ABCA13: variants seen among roughly 807,000 people sequenced by gnomAD.
ABCA13 encodes the protein ATP binding cassette subfamily A member 13.
In ABCA13, 476 loss-of-function variants were observed where a neutral mutation model predicts 478.7. The ratio of observed to expected loss-of-function variants is 0.99; its 90% CI spans 0.92 to 1.07. The LOEUF (loss-of-function observed/expected upper bound fraction) is 1.07. Ranked by LOEUF, ABCA13 falls within the 50% of genes least tolerant of loss-of-function variation. ABCA13 has a pLI of 0.00. For synonymous variants in ABCA13, 2,252 were observed against 2,158.9 expected, an observed-to-expected ratio of 1.04 and a Z score of -1.20; for missense variants, 6,060 against 5,910.6, an observed-to-expected ratio of 1.03 and a Z score of -0.83.
Position 48,295,804 on chromosome 7 carries a change from C to T in ABCA13, c.9060C>T (p.Ala3020=), listed in dbSNP as rs1308607612. The change falls in exon 21 of 62, where the codon GCC becomes GCT. Residue 3020 remains alanine (A), a synonymous_variant. Coordinates refer to ENST00000435803, the MANE Select transcript of ABCA13 (RefSeq NM_152701.5). ...GCTTCAAGAGCAGCTTGGAAAATGC[C>T]ACTGGCCAGGACTGCACAAGCCAGC... ...LESFKSSLEN[A]TGQDCTSQPR... 6.2e-7 allele frequency: 1 copy of T among 1,613,996 alleles called. No individual in the cohort carries two copies. Among genetic ancestry groups the T allele is most frequent in the Non-Finnish European group, 8.5e-7 (1 of 1,179,904 alleles).
At chr7:48,587,126 T>G (rs772576453) in intron 56 of ABCA13, 28 bp from the exon 57 acceptor site, 1 of 1,612,044 alleles carries the variant, frequency 6.2e-7, no homozygotes, top group Non-Finnish European at 8.5e-7. Flanking sequence ...TGAATGCTGG[T>G]GTGCACATGG....
chr7:48,273,943 A>C lies in ABCA13; in HGVS notation c.4277A>C (p.Asp1426Ala). ...HLQNILGNFRDIENKMNSILK... is the reference protein window; with the variant it reads ...HLQNILGNFRAIENKMNSILK... ...CAAAATATTTTGGGGAATTTCAGAG[A>C]TATAGAAAACAAAATGAACTCTATA... The change falls in exon 17 of 62, where the codon GAT becomes GCT. Residue 1426 changes from aspartate to alanine, a missense_variant. Around this residue, in one of 3 missense-constraint regions of ABCA13, gnomAD observed 4,423 missense variants for 4,309.1 expected, o/e 1.03. Coordinates refer to ENST00000435803, the MANE Select transcript of ABCA13 (RefSeq NM_152701.5). 1 of 1,612,170 alleles carries C rather than the reference A, an allele frequency of 6.2e-7. No individual in the cohort carries two copies. The highest frequency in any genetic ancestry group is 8.5e-7 in the Non-Finnish European group (1 of 1,178,882).
chr7:48,558,018 G>A (rs141330265), intron 55 of ABCA13, among the ~76,000 whole-genome samples: 23 of 151,866 alleles, frequency 1.5e-4, no homozygotes, highest in Non-Finnish European at 2.9e-4. Context: ...TCCTCTGACT[G>A]TATTTTTAAG....
Position 48,507,883 on chromosome 7 carries a change from T to A in ABCA13, c.13358T>A (p.Ile4453Asn). The A allele has an allele frequency of 6.2e-7, 1 of 1,608,762 alleles. No individual in the cohort carries two copies. The highest frequency in any genetic ancestry group is 8.5e-7 in the Non-Finnish European group (1 of 1,177,408). ...LLNEDKILES[I>N]RQCGVALCIV... ...TGTTCCACCCGCAGCCTGGAGAGCA[T>A]CCGTCAGTGTGGAGTGGCCCTCTGC... The change falls in exon 50 of 62, where the codon ATC (isoleucine) becomes AAC (asparagine). Residue 4453 changes from isoleucine (I) to asparagine (N), a missense_variant. Around this residue, in one of 3 missense-constraint regions of ABCA13, gnomAD observed 1,627 missense variants for 1,571.0 expected, o/e 1.04. Transcript: ENST00000435803.
Position 48,232,139 on chromosome 7 carries a change from A to ATTTTTTTTTTTTTTTTTTTTTT in ABCA13, c.764-1875_764-1854dup, listed in dbSNP as rs71006559. 9.7e-4 allele frequency among the ~76,000 whole-genome samples: 50 copies of ATTTTTTTTTTTTTTTTTTTTTT among 51,306 alleles called. 9 individuals are homozygous for ATTTTTTTTTTTTTTTTTTTTTT. The highest frequency in any genetic ancestry group is 2.7e-3 in the East Asian group (5 of 1,842). 33.7% of individuals were successfully genotyped at this position (51,306 alleles called of 152,430 possible). A position where few individuals can be genotyped will look rare whatever the true frequency, so the allele number is the denominator to read the frequency against. ...CTCAGCACAGTGAGACCCACATGGA[A>ATTTTTTTTTTTTTTTTTTTTTT]TTTTTTTTTTTTTTTTTTTTTTTTT... On this transcript the variant is annotated intron_variant, in intron 7 of 61. Coordinates refer to ENST00000435803, the MANE Select transcript of ABCA13 (RefSeq NM_152701.5).
intron 58 of ABCA13, among the ~76,000 whole-genome samples, chr7:48,595,674 CTAATGGA>C (rs1790212003): frequency 6.6e-6 from 1 of 152,164 alleles, no homozygotes; most frequent in African/African-American, 2.4e-5. Context: ...TTCTATTGGA[CTAATGGA>C]TGCCTGCACA....
At chr7:48,453,803 T>G (rs1265828587) in intron 42 of ABCA13, among the ~76,000 whole-genome samples, 1 of 152,142 alleles carries the variant, frequency 6.6e-6, no homozygotes, top group African/African-American at 2.4e-5. Flanking sequence ...GGTTATTTCT[T>G]TACATTTTTA....
chr7:48,456,278 A>G (rs4917019), intron 43 of ABCA13, among the ~76,000 whole-genome samples: 28,611 of 152,192 alleles, frequency 0.19, 3,112 homozygotes, highest in African/African-American at 0.3. Context: ...GCCTACTAAT[A>G]TGTGTGTAAT....
intron 45 of ABCA13, among the ~76,000 whole-genome samples, chr7:48,478,948 C>CTTT (rs71227263): frequency 2.2e-5 from 3 of 134,572 alleles, no homozygotes; most frequent in South Asian, 2.4e-4. Flanking sequence ...AAAATCTACT[C>CTTT]TTTTTTTTTT....
At chr7:48,551,816 C>T (rs1248165141) in intron 55 of ABCA13, among the ~76,000 whole-genome samples, 2 of 151,710 alleles carry the variant, frequency 1.3e-5, no homozygotes, top group Non-Finnish European at 2.9e-5. Context: ...TTCAGCCTTC[C>T]CTTCTGAAAG....
intron 15 of ABCA13, among the ~76,000 whole-genome samples, chr7:48,252,116 G>T (rs369114653): frequency 6.6e-6 from 1 of 152,072 alleles, no homozygotes; most frequent in East Asian, 1.9e-4. Flanking sequence ...TACACTCTCT[G>T]CCCCTTTCTC....
In ABCA13 at chr7:48,272,665, A is replaced by G; in HGVS notation, c.2999A>G (p.Lys1000Arg). Reference sequence around the variant, plus strand: ...TCAAAACACATTTTGGATATCATAAAACAATTTAATTTCCAAAACATCAGT... The same window carrying G: ...TCAAAACACATTTTGGATATCATAAGACAATTTAATTTCCAAAACATCAGT... ...QISKHILDII[K>R]QFNFQNISKA... The change falls in exon 17 of 62, where the codon AAA becomes AGA. Residue 1000 changes from lysine to arginine, a missense_variant. This residue lies in a region of ABCA13 where 4,423 missense variants were observed against 4,309.1 expected (regional missense o/e 1.03). Coordinates refer to ENST00000435803, the MANE Select transcript of ABCA13 (RefSeq NM_152701.5). 6.2e-7 allele frequency: 1 copy of G among 1,613,026 alleles called. No individual in the cohort carries two copies. Among genetic ancestry groups the G allele is most frequent in the Admixed American group, 1.7e-5 (1 of 59,876 alleles).
intron 27 of ABCA13, among the ~76,000 whole-genome samples, chr7:48,319,745 T>G (rs189194069): frequency 6.6e-6 from 1 of 152,310 alleles, no homozygotes; most frequent in East Asian, 1.9e-4. Context: ...GAAGGCTGGA[T>G]TTTGGTCCCC....
chr7:48,200,904 AT>A (rs1283663406), intron 3 of ABCA13, among the ~76,000 whole-genome samples: 6 of 152,352 alleles, frequency 3.9e-5, no homozygotes, highest in Admixed American at 3.9e-4. Context: ...CACGCCTGTA[AT>A]CCCAGCGCTT....
chr7:48,505,326 T>C (rs1831105449), intron 48 of ABCA13, among the ~76,000 whole-genome samples: 1 of 152,176 alleles, frequency 6.6e-6, no homozygotes, highest in Non-Finnish European at 1.5e-5. Context: ...CTGTAGCCTG[T>C]TCCAACTCTG....
chr7:48,644,393 A>T (rs1384005394), intron 60 of ABCA13, among the ~76,000 whole-genome samples: 1 of 152,158 alleles, frequency 6.6e-6, no homozygotes, highest in African/African-American at 2.4e-5. Flanking sequence ...GCAAGGTTAG[A>T]GCATATCAGG....
chr7:48,276,089 G>A lies in ABCA13; in HGVS notation c.6423G>A (p.Met2141Ile). Residue 2141 changes from methionine to isoleucine, a missense_variant, in exon 17 of 62, where the codon ATG becomes ATA. Physicochemically the swap from Met to Ile is conservative, Grantham distance 10. Around this residue, in one of 3 missense-constraint regions of ABCA13, gnomAD observed 4,423 missense variants for 4,309.1 expected, o/e 1.03. Coordinates refer to ENST00000435803, the MANE Select transcript of ABCA13 (RefSeq NM_152701.5). ...QEYANEDYSR[M>I]IETLFIPVTN... ...ATGCAAATGAGGATTACTCCAGAAT[G>A]ATAGAAACATTATTCATTCCTGTGA... 1 of 1,600,914 alleles carries A rather than the reference G, an allele frequency of 6.2e-7. No homozygotes were observed. Among genetic ancestry groups the A allele is most frequent in the Non-Finnish European group, 8.5e-7 (1 of 1,173,036 alleles).
intron 15 of ABCA13, among the ~76,000 whole-genome samples, chr7:48,265,547 T>A (rs1197649215): frequency 2.0e-5 from 3 of 151,566 alleles, no homozygotes; most frequent in Non-Finnish European, 3.0e-5. Context: ...TTTTGTAAAT[T>A]GATTCTTAAA....
chr7:48,626,489 G>A (rs993077494), intron 59 of ABCA13: 2 of 405,892 alleles, frequency 4.9e-6, no homozygotes, highest in Non-Finnish European at 6.7e-6. Context: ...CCAAATTATG[G>A]GAAATATTAA....
Sources: allele counts gnomAD v4.1 joint callset (sites outside exome capture counted in the v4.1 genomes callset), GRCh38; gene constraint gnomAD v4.1.1; regional missense constraint gnomAD v4.1.1; transcripts MANE v1.5; gene names NCBI Gene and HGNC (gene_info 2026-07-23, HGNC 2026-07-21).